Variants in DPP6 observed in about 807,000 individuals in gnomAD.
The protein encoded by DPP6 is dipeptidyl peptidase like 6.
Under a neutral mutation model 122.6 loss-of-function variants are expected in DPP6, and 69 were observed. The observed-to-expected ratio is 0.56, with a 90% CI of 0.46 to 0.69. The LOEUF is 0.69. Among genes scored for constraint, DPP6 ranks in the 30% least tolerant of loss-of-function variants. The pLI is 0.00. For missense variants in DPP6, 928 were observed against 1,116.9 expected (o/e 0.83, Z 2.41); for synonymous variants, 418 against 433.1 (o/e 0.97, Z 0.43).
intron 1 of DPP6, among the ~76,000 whole-genome samples, chr7:154,228,456 G>A (rs1800735510): frequency 6.6e-6 from 1 of 152,112 alleles, no homozygotes; most frequent in Admixed American, 6.5e-5. Flanking sequence ...GTTTCAAATA[G>A]GTCATTATTT....
At chr7:153,834,613 T>C in the DPP6 span, among the ~76,000 whole-genome samples, 1 of 152,232 alleles carries the variant, frequency 6.6e-6, no homozygotes, top group South Asian at 2.1e-4. Flanking sequence ...TTCACAAATA[T>C]TATCTCATTT....
chr7:154,303,005 G>A (rs778760968), intron 1 of DPP6, among the ~76,000 whole-genome samples: 27 of 149,726 alleles, frequency 1.8e-4, no homozygotes, highest in Non-Finnish European at 3.3e-4. Context: ...GTTTTGAGAC[G>A]GAGTCTTGCC....
chr7:154,090,863 G>C (rs2150548754), intron 1 of DPP6, among the ~76,000 whole-genome samples: 1 of 150,002 alleles, frequency 6.7e-6, no homozygotes, highest in South Asian at 2.2e-4. Flanking sequence ...GCTCATGCCT[G>C]TAATCCCAGC....
chr7:154,823,284 C>T (rs1799922504), intron 16 of DPP6, among the ~76,000 whole-genome samples: 1 of 152,138 alleles, frequency 6.6e-6, no homozygotes. Context: ...ATGCAATATG[C>T]AGTTTGACCC....
intron 7 of DPP6, among the ~76,000 whole-genome samples, chr7:154,711,398 T>C (rs1017796243): frequency 1.3e-5 from 2 of 152,178 alleles, no homozygotes; most frequent in Admixed American, 6.5e-5. Context: ...AATAAATAAA[T>C]AAATAGTTCT....
chr7:154,778,051 G>A (rs975725639), intron 10 of DPP6, among the ~76,000 whole-genome samples: 3 of 152,016 alleles, frequency 2.0e-5, no homozygotes. Context: ...CCATGCCCTC[G>A]CCACCTCATA....
intron 1 of DPP6, among the ~76,000 whole-genome samples, chr7:154,219,078 C>T (rs1299896154): frequency 1.3e-5 from 2 of 152,160 alleles, no homozygotes; most frequent in Non-Finnish European, 2.9e-5. Context: ...ATTTTACTTC[C>T]TAAGATTATT....
At chr7:154,869,773 A>G (rs1804225472) in intron 18 of DPP6, among the ~76,000 whole-genome samples, 1 of 152,160 alleles carries the variant, frequency 6.6e-6, no homozygotes, top group African/African-American at 2.4e-5. Context: ...TTTTCTGGAC[A>G]TTGCATTCAC....
chr7:154,300,657 C>CTGTGTG (rs141234543), intron 1 of DPP6, among the ~76,000 whole-genome samples: 35 of 151,978 alleles, frequency 2.3e-4, no homozygotes, highest in Admixed American at 2.2e-3. Flanking sequence ...GGATTTGGGG[C>CTGTGTG]TGTGTGTGTG....
chr7:153,948,624 T>A (rs201217096), intron 1 of DPP6, among the ~76,000 whole-genome samples: 15,346 of 150,982 alleles, frequency 0.1, 1,326 homozygotes, highest in East Asian at 0.46. Flanking sequence ...TTTTTATTTT[T>A]ATTTTTTTTA....
intron 1 of DPP6, among the ~76,000 whole-genome samples, chr7:153,982,107 A>G (rs1585127662): frequency 6.6e-6 from 1 of 152,042 alleles, no homozygotes; most frequent in Middle Eastern, 3.4e-3. Flanking sequence ...TAGGTTGGGG[A>G]AGTTCTTCTG....
intron 3 of DPP6, among the ~76,000 whole-genome samples, chr7:154,514,437 G>C (rs557877550): frequency 1.3e-5 from 2 of 151,800 alleles, no homozygotes; most frequent in Non-Finnish European, 2.9e-5. Flanking sequence ...CCATGTAAAA[G>C]TATATACTTT....
At chr7:154,780,409 A>G (rs1440387516) in intron 10 of DPP6, among the ~76,000 whole-genome samples, 1 of 152,232 alleles carries the variant, frequency 6.6e-6, no homozygotes, top group Non-Finnish European at 1.5e-5. Flanking sequence ...TGTTCTGAAG[A>G]TGCTGTAAAT....
intron 1 of DPP6, among the ~76,000 whole-genome samples, chr7:154,172,404 A>G (rs561901026): frequency 2.1e-4 from 32 of 152,126 alleles, no homozygotes; most frequent in Non-Finnish European, 4.4e-4. Context: ...AGGCAGGAAA[A>G]CATTCCAGCA....
intron 1 of DPP6, among the ~76,000 whole-genome samples, chr7:154,297,261 G>A (rs1467855073): frequency 6.6e-6 from 1 of 152,134 alleles, no homozygotes; most frequent in African/African-American, 2.4e-5. Flanking sequence ...TACACTTTAC[G>A]GCTACATGGC....
chr7:154,488,350 C>T (rs938378608), intron 3 of DPP6, among the ~76,000 whole-genome samples: 3 of 151,608 alleles, frequency 2.0e-5, no homozygotes, highest in Non-Finnish European at 4.4e-5. Flanking sequence ...GTTAGCCGGG[C>T]GTGGTGGCGG....
At chr7:154,041,808 G>A (rs967342867) in intron 1 of DPP6, among the ~76,000 whole-genome samples, 3 of 152,002 alleles carry the variant, frequency 2.0e-5, no homozygotes, top group African/African-American at 7.3e-5. Context: ...AGGCTGGAGT[G>A]CAGTGAGTGG....
At chr7:153,824,738 C>A in the DPP6 span, among the ~76,000 whole-genome samples, 2 of 152,044 alleles carry the variant, frequency 1.3e-5, no homozygotes, top group Admixed American at 6.6e-5. Flanking sequence ...TGTATGTCCT[C>A]CTTGGTGGCT....
intron 1 of DPP6, among the ~76,000 whole-genome samples, chr7:153,964,899 CCTT>C (rs754033549): frequency 2.4e-5 from 3 of 122,892 alleles, no homozygotes; most frequent in Non-Finnish European, 4.9e-5. Context: ...CCTTTCTTTC[CCTT>C]CTTTTCTTTT....
Sources: allele counts gnomAD v4.1 joint callset (sites outside exome capture counted in the v4.1 genomes callset), GRCh38; gene constraint gnomAD v4.1.1; transcripts MANE v1.5; gene names NCBI Gene and HGNC (gene_info 2026-07-23, HGNC 2026-07-21).